The following RFX1 variants were observed in gnomAD, a reference collection of about 807,000 sequenced individuals.
RFX1 encodes regulatory factor X1.
A neutral mutation model predicts 119.6 loss-of-function variants in RFX1; 42 were observed. That is an observed-to-expected ratio of 0.35 (90% CI 0.27 to 0.45). The LOEUF is 0.45. Among genes scored for constraint, RFX1 ranks in the 20% least tolerant of loss-of-function variants. The probability of loss-of-function intolerance (pLI) is 1.00; values close to 1 mark genes in which losing one functional copy is unlikely to be tolerated. For missense variants in RFX1, 1,118 were observed against 1,368.1 expected (o/e 0.82, Z 2.88); for synonymous variants, 628 against 618.5 (o/e 1.02, Z -0.23).
intron 1 of RFX1, 38 bp from the exon 2 acceptor site, chr19:13,993,933 A>T: frequency 1.8e-6 from 2 of 1,096,232 alleles, no homozygotes; most frequent in Non-Finnish European, 2.6e-6. Flanking sequence ...GAGAAAAACA[A>T]AACAAAACAA....
intron 1 of RFX1, among the ~76,000 whole-genome samples, chr19:13,996,131 G>A (rs550502434): frequency 6.6e-6 from 1 of 152,310 alleles, no homozygotes; most frequent in South Asian, 2.1e-4. Context: ...CCTCCCTCCG[G>A]CTCAGCCCCA....
At position 13,980,746 on chromosome 19, in the gene RFX1, G is replaced by A. The variant is rs976721722; in HGVS notation, c.622-57C>T. ...GGGGTGGGCTTGCATCCTCTCTGAG[G>A]TGGGCTCACACACACACCCTTCTCA... On this transcript the variant is annotated intron_variant, in intron 5 of 20. Coordinates refer to ENST00000254325, the MANE Select transcript of RFX1 (RefSeq NM_002918.5). The surrounding 1 kb of genome is among the most constrained non-coding windows in gnomAD (Gnocchi z 5.1). The A allele has an allele frequency of 3.0e-5, 33 of 1,084,230 alleles. No individual in the cohort carries two copies. In the African/African-American group the frequency reaches 3.6e-4, roughly 12 times the overall value. The allele number at this position is 1,084,230 out of a possible 1,614,324, so 67.2% of individuals were successfully genotyped here.
At position 13,963,914 on chromosome 19, in the gene RFX1, C is replaced by G; in HGVS notation, c.2305G>C (p.Ala769Pro). ...QAARAVLQNT[A>P]QINQMLSDLN... is the part of the protein sequence containing the mutation. ...TCGCTCAGCATCTGGTTGATCTGTGCGGTGTTCTGCAGCACAGCGCGCGCC... is the reference window on the plus strand; with the variant it reads ...TCGCTCAGCATCTGGTTGATCTGTGGGGTGTTCTGCAGCACAGCGCGCGCC... The change falls in exon 17 of 21, where the codon GCA (alanine) becomes CCA (proline). Residue 769 changes from alanine to proline, a missense_variant. By Grantham distance (27) the Ala-to-Pro change is conservative (BLOSUM62 -1). Coordinates refer to ENST00000254325, the MANE Select transcript of RFX1 (RefSeq NM_002918.5). 1 of 1,549,164 alleles carries G rather than the reference C, an allele frequency of 6.5e-7. No homozygotes were observed. Among genetic ancestry groups the G allele is most frequent in the Non-Finnish European group, 8.7e-7 (1 of 1,148,292 alleles).
chr19:13,980,016 G>A lies in RFX1; in HGVS notation c.739-474C>T, dbSNP rs1974378656. 6.6e-6 allele frequency among the ~76,000 whole-genome samples: 1 copy of A among 152,050 alleles called. No individual in the cohort carries two copies. Among genetic ancestry groups the A allele is most frequent in the South Asian group, 2.1e-4 (1 of 4,834 alleles). Reference sequence around the variant, plus strand: ...CGGGGGGGCTCTAGTGCCAGGCGGGGGAGTATCTGTGAAACCTCTGGGACA... The same window carrying A: ...CGGGGGGGCTCTAGTGCCAGGCGGGAGAGTATCTGTGAAACCTCTGGGACA... On this transcript the variant is annotated intron_variant, in intron 6 of 20. Coordinates refer to ENST00000254325, the MANE Select transcript of RFX1 (RefSeq NM_002918.5). The surrounding 1 kb of genome is among the most constrained non-coding windows in gnomAD (Gnocchi z 5.1).
At chr19:13,992,382 C>G (rs1429286440) in intron 2 of RFX1, among the ~76,000 whole-genome samples, 3 of 152,210 alleles carry the variant, frequency 2.0e-5, no homozygotes, top group African/African-American at 7.2e-5. Flanking sequence ...AGACCCTAAA[C>G]CAGTCAAAAC....
At chr19:13,977,135 C>T (rs1293907100) in intron 8 of RFX1, among the ~76,000 whole-genome samples, 1 of 151,352 alleles carries the variant, frequency 6.6e-6, no homozygotes, top group African/African-American at 2.4e-5. Context: ...TCTCTACTAA[C>T]AACACAAAAA....
At position 13,985,021 on chromosome 19, in the gene RFX1, C is replaced by T. The variant is rs182415486; in HGVS notation, c.320-1426G>A. Among the ~76,000 whole-genome samples, 6 of 152,154 alleles carry T rather than the reference C, an allele frequency of 3.9e-5. No individual in the cohort carries two copies. Among genetic ancestry groups the T allele is most frequent in the Non-Finnish European group, 7.4e-5 (5 of 68,010 alleles). On this transcript the variant is annotated intron_variant, in intron 2 of 20. Transcript: ENST00000254325. This position sits in a 1 kb window ranked among gnomAD's most constrained non-coding sequence, Gnocchi z 4.3. ...GACTACACGCATGCACCACCATGTC[C>T]GGCTAATTTTTGTATTTTTAATAGG...
intron 1 of RFX1, among the ~76,000 whole-genome samples, chr19:14,000,400 C>T (rs889364617): frequency 1.4e-4 from 22 of 152,080 alleles, no homozygotes; most frequent in African/African-American, 4.6e-4. Flanking sequence ...GCAGGAGGAT[C>T]GCTTGAGTCT....
intron 2 of RFX1, among the ~76,000 whole-genome samples, chr19:13,989,439 T>G (rs564302427): frequency 1.8e-4 from 28 of 152,168 alleles, no homozygotes; most frequent in African/African-American, 6.7e-4. Flanking sequence ...GGTGCAGTCT[T>G]GGCTCACTGC....
intron 1 of RFX1, among the ~76,000 whole-genome samples, chr19:13,996,212 T>A (rs1298284221): frequency 6.6e-6 from 1 of 152,100 alleles, no homozygotes; most frequent in Non-Finnish European, 1.5e-5. Context: ...GTCCAAAGCA[T>A]TTGAGGGACA....
Position 13,966,645 on chromosome 19 carries a change from C to T in RFX1, c.1839G>A (p.Arg613=), listed in dbSNP as rs1973909961. ...CTGGCCACCCTACCTCACAGTGTTCCCGGTACAGGACCTGGAAGGCTTTGA... is the reference window on the plus strand; with the variant it reads ...CTGGCCACCCTACCTCACAGTGTTCTCGGTACAGGACCTGGAAGGCTTTGA... ...GDIKAFQVLY[R]EHCEAIVDVM... The change falls in exon 13 of 21, where the codon CGG becomes CGA. Residue 613 remains arginine, a synonymous_variant. Transcript: ENST00000254325. This position sits in a 1 kb window ranked among gnomAD's most constrained non-coding sequence, Gnocchi z 6.3. 1 of 1,602,860 alleles carries T rather than the reference C, an allele frequency of 6.2e-7. No individual in the cohort carries two copies. Among genetic ancestry groups the T allele is most frequent in the Non-Finnish European group, 8.5e-7 (1 of 1,173,712 alleles).
chr19:13,989,471 AG>A (rs1343623877), intron 2 of RFX1, among the ~76,000 whole-genome samples: 1 of 152,018 alleles, frequency 6.6e-6, no homozygotes, highest in East Asian at 1.9e-4. Context: ...CCTGGGTTCA[AG>A]CGATTCTCCT....
rs769726783 is a variant in RFX1 at position 13,968,529 on chromosome 19, C to G, written c.1732+36G>C. On this transcript the variant is annotated intron_variant, in intron 12 of 20. Coordinates refer to ENST00000254325, the MANE Select transcript of RFX1 (RefSeq NM_002918.5). The surrounding 1 kb of genome is among the most constrained non-coding windows in gnomAD (Gnocchi z 5.5). ...GAACCGTCTGCACGGGGCAGGGAGG[C>G]GGTGGTTGGGGAAGCACGGGCCAGG... 1 of 1,524,688 alleles carries G rather than the reference C, an allele frequency of 6.6e-7. No individual in the cohort carries two copies. 94.4% of individuals were successfully genotyped at this position (1,524,688 alleles called of 1,614,324 possible).
chr19:14,003,412 G>A (rs1975279742), intron 1 of RFX1, among the ~76,000 whole-genome samples: 1 of 114,900 alleles, frequency 8.7e-6, no homozygotes, highest in South Asian at 2.5e-4. Flanking sequence ...CCCTGTCATC[G>A]ACCCACACAG....
chr19:13,963,795 C>G (rs756366994), intron 17 of RFX1, 49 bp from the exon 18 acceptor site: 6 of 1,494,184 alleles, frequency 4.0e-6, no homozygotes, highest in Non-Finnish European at 5.3e-6. Flanking sequence ...CGCCGTCACC[C>G]CCGCCTGGCC....
At chr19:14,000,355 G>A (rs936269308) in intron 1 of RFX1, among the ~76,000 whole-genome samples, 3 of 152,138 alleles carry the variant, frequency 2.0e-5, no homozygotes, top group Non-Finnish European at 4.4e-5. Context: ...GTGTGGTGGT[G>A]TGTGGCTGTA....
At chr19:13,991,459 G>T (rs578024933) in intron 2 of RFX1, among the ~76,000 whole-genome samples, 1 of 152,286 alleles carries the variant, frequency 6.6e-6, no homozygotes, top group South Asian at 2.1e-4. Context: ...AGGCGGGGGG[G>T]CACTAAGTGT....
At chr19:13,981,787 T>C (rs1231417945) in intron 5 of RFX1, among the ~76,000 whole-genome samples, 1 of 152,154 alleles carries the variant, frequency 6.6e-6, no homozygotes, top group Non-Finnish European at 1.5e-5. Context: ...TGTCCCACCC[T>C]CCGGGGGGAA....
At chr19:13,977,716 C>CT (rs921939703) in intron 8 of RFX1, among the ~76,000 whole-genome samples, 7,193 of 135,772 alleles carry the variant, frequency 0.053, 190 homozygotes, top group African/African-American at 0.071. Flanking sequence ...CGTGCCTGGC[C>CT]TTTTTTTTTT....
Sources: gnomAD v4.1 joint callset for allele counts (sites outside exome capture counted in the v4.1 genomes callset) on GRCh38, gnomAD v4.1.1 for gene constraint, Gnocchi (gnomAD v3.1) non-coding constraint, MANE v1.5 for transcripts, NCBI Gene and HGNC (gene_info 2026-07-23, HGNC 2026-07-21) for gene names.